The following SULF1 variants were observed in gnomAD, a reference collection of about 807,000 sequenced individuals.
SULF1 encodes the protein sulfatase 1.
Under a neutral mutation model 110.5 loss-of-function variants are expected in SULF1, and 46 were observed. The observed-to-expected ratio is 0.42, with a 90% CI of 0.33 to 0.53. SULF1 has a LOEUF of 0.53. SULF1 is among the 20% of genes least tolerant of loss of function. SULF1 has a pLI of 0.12. For synonymous variants in SULF1, 371 were observed against 387.1 expected (o/e 0.96, Z 0.49); for missense variants, 941 against 1,094.2 (o/e 0.86, Z 1.98).
intron 1 of SULF1, among the ~76,000 whole-genome samples, chr8:69,467,798 A>C (rs544370986): frequency 6.6e-6 from 1 of 152,334 alleles, no homozygotes; most frequent in East Asian, 1.9e-4. Flanking sequence ...TAAACAGACA[A>C]ACAGAAAGGA....
Position 69,640,840 on chromosome 8 carries a change from A to T in SULF1, c.2584A>T (p.Arg862Ter). 6.2e-7 allele frequency: 1 copy of T among 1,609,890 alleles called. No individual in the cohort carries two copies. Among genetic ancestry groups the T allele is most frequent in the Non-Finnish European group, 8.5e-7 (1 of 1,178,394 alleles). Residue 862 changes from arginine (R) to a stop codon, truncating the protein, a stop_gained and splice_region_variant, in exon 22 of 23, where the codon AGA becomes TGA. Transcript: ENST00000402687. LOFTEE classifies it high-confidence loss of function. ...AGATGGAGGAAGCTATGACCTACAC[A>T]GGTATTCACACTTTTTTATTCTTCT... ...NKDGGSYDLH[R>*]GQLWDGWEG
Position 69,658,662 on chromosome 8 carries a change from G to T in SULF1, c.*127G>T, listed in dbSNP as rs2130761990. The T allele has an allele frequency of 2.5e-6, 2 of 798,718 alleles. No individual in the cohort carries two copies. The highest frequency in any genetic ancestry group is 5.0e-5 in the East Asian group (2 of 39,806). 49.5% of individuals were successfully genotyped at this position (798,718 alleles called of 1,614,324 possible). ...TGGTGGACTGGACTAATTACTTGAA[G>T]GATTTAGATAGAGTATTTGCACTGC... On this transcript the variant is annotated 3_prime_UTR_variant, in exon 23 of 23. Coordinates refer to ENST00000402687, the MANE Select transcript of SULF1 (RefSeq NM_001128205.2).
At chr8:69,469,904 C>T (rs929893724) in intron 1 of SULF1, among the ~76,000 whole-genome samples, 16 of 152,108 alleles carry the variant, frequency 1.1e-4, no homozygotes, top group African/African-American at 3.4e-4. Context: ...TAGCCAGGCA[C>T]GGTGGTGGGC....
At chr8:69,605,434 G>T (rs1344855971) in intron 13 of SULF1, among the ~76,000 whole-genome samples, 3 of 152,102 alleles carry the variant, frequency 2.0e-5, no homozygotes, top group South Asian at 4.1e-4. Context: ...TTTGTTTATT[G>T]TTCCTACTTC....
chr8:69,608,591 C>T (rs6472470), intron 13 of SULF1, among the ~76,000 whole-genome samples: 3 of 152,178 alleles, frequency 2.0e-5, no homozygotes, highest in Non-Finnish European at 4.4e-5. Flanking sequence ...AGGCTGAGAC[C>T]GGGGAATCAC....
chr8:69,487,943 G>C (rs1473165206), upstream of SULF1, among the ~76,000 whole-genome samples: 1 of 152,202 alleles, frequency 6.6e-6, no homozygotes, highest in Non-Finnish European at 1.5e-5. Context: ...GCAATGATTT[G>C]TAAGTTCCAC....
intron 1 of SULF1, among the ~76,000 whole-genome samples, chr8:69,468,211 T>C (rs924565754): frequency 7.9e-5 from 12 of 152,172 alleles, no homozygotes; most frequent in African/African-American, 2.2e-4. Flanking sequence ...ATCCTCACCC[T>C]TTGCAGGTGA....
intron 13 of SULF1, among the ~76,000 whole-genome samples, chr8:69,611,876 G>A (rs568897968): frequency 1.3e-5 from 2 of 151,700 alleles, no homozygotes; most frequent in African/African-American, 4.8e-5. Context: ...AATAGTTTTC[G>A]GGATACAAGT....
chr8:69,649,576 C>T (rs1440499128), intron 22 of SULF1, among the ~76,000 whole-genome samples: 5 of 152,142 alleles, frequency 3.3e-5, no homozygotes, highest in Non-Finnish European at 7.4e-5. Context: ...TTAGAGTATT[C>T]TTTTATCTGG....
rs182301713 is a variant in SULF1 at position 69,605,609 on chromosome 8, C to T, written c.1377+677C>T. On this transcript the variant is annotated intron_variant, in intron 13 of 22. Coordinates refer to ENST00000402687, the MANE Select transcript of SULF1 (RefSeq NM_001128205.2). ...ACATTGCTTTTAAAGAAAGTGAGTA[C>T]GTATGAATTTAAACCAGTTTAAAAC... is the stretch of plus-strand genomic sequence containing the variant. 5.6e-4 allele frequency among the ~76,000 whole-genome samples: 85 copies of T among 152,220 alleles called. 1 individual carries two copies. The highest frequency in any genetic ancestry group is 4.4e-3 in the South Asian group (21 of 4,820).
At chr8:69,527,755 C>T (rs1435716316) in intron 3 of SULF1, among the ~76,000 whole-genome samples, 6 of 152,056 alleles carry the variant, frequency 3.9e-5, no homozygotes, top group African/African-American at 1.4e-4. Context: ...GTGGTTTCTA[C>T]CCATTTAGTG....
chr8:69,471,809 C>T (rs1809097867), intron 1 of SULF1, among the ~76,000 whole-genome samples: 2 of 152,082 alleles, frequency 1.3e-5, no homozygotes, highest in Non-Finnish European at 2.9e-5. Context: ...ATTGTATGTT[C>T]AATAAATGGA....
At chr8:69,605,045 T>C in intron 13 of SULF1, 113 bp downstream of exon 13, 3 of 1,458,424 alleles carry the variant, frequency 2.1e-6, no homozygotes, top group Non-Finnish European at 2.7e-6. Flanking sequence ...CTTTTCCTAG[T>C]GGCCTTGAGG....
intron 22 of SULF1, among the ~76,000 whole-genome samples, chr8:69,656,454 C>T (rs1015343035): frequency 6.6e-6 from 1 of 152,130 alleles, no homozygotes; most frequent in Non-Finnish European, 1.5e-5. Flanking sequence ...TAGCTATTTT[C>T]CCTGATGCTC....
chr8:69,644,717 C>T (rs547189974), intron 22 of SULF1, among the ~76,000 whole-genome samples: 4 of 148,650 alleles, frequency 2.7e-5, no homozygotes, highest in Non-Finnish European at 4.4e-5. Context: ...GCCGAGATCA[C>T]GCCACTGGAC....
intron 7 of SULF1, among the ~76,000 whole-genome samples, chr8:69,587,831 T>G (rs182270014): frequency 1.3e-4 from 20 of 152,338 alleles, no homozygotes; most frequent in African/African-American, 3.6e-4. Flanking sequence ...GCGTAACTTG[T>G]TCATTATCAC....
chr8:69,586,640 G>A (rs921463810), intron 7 of SULF1, 132 bp downstream of exon 7: 8 of 1,074,762 alleles, frequency 7.4e-6, no homozygotes, highest in Non-Finnish European at 1.1e-5. Context: ...GAAATGTTAA[G>A]GTAATTTTAA....
chr8:69,513,194 A>G (rs1305053120), intron 3 of SULF1, among the ~76,000 whole-genome samples: 1 of 152,270 alleles, frequency 6.6e-6, no homozygotes, highest in African/African-American at 2.4e-5. Flanking sequence ...AGCTTTGTGA[A>G]CTGCCAAAAA....
intron 22 of SULF1, among the ~76,000 whole-genome samples, chr8:69,649,024 T>G (rs1447475636): frequency 6.6e-6 from 1 of 152,236 alleles, no homozygotes; most frequent in African/African-American, 2.4e-5. Context: ...AAAATTCACC[T>G]GTCAGAACAA....
Sources: allele counts gnomAD v4.1 joint callset (sites outside exome capture counted in the v4.1 genomes callset), GRCh38; gene constraint gnomAD v4.1.1; transcripts MANE v1.5; gene names NCBI Gene and HGNC (gene_info 2026-07-23, HGNC 2026-07-21).